ARHGAP15: variants seen among roughly 807,000 people sequenced by gnomAD.
ARHGAP15 encodes rho GTPase-activating protein 15.
A neutral mutation model predicts 63.7 loss-of-function variants in ARHGAP15; 51 were observed. That is an observed-to-expected ratio of 0.80 (90% confidence interval 0.64 to 1.01). The LOEUF is 1.01. ARHGAP15 is among the 50% of genes least tolerant of loss of function. The pLI is 0.00. For missense variants in ARHGAP15, 560 were observed against 564.6 expected (o/e 0.99, Z 0.08); for synonymous variants, 191 against 193.8 (o/e 0.99, Z 0.12).
At chr2:143,443,436 T>A (rs529647646) in intron 8 of ARHGAP15, among the ~76,000 whole-genome samples, 6 of 151,980 alleles carry the variant, frequency 3.9e-5, no homozygotes, top group Admixed American at 3.9e-4. Flanking sequence ...TCACCCTTTT[T>A]TTTTTTTCCC....
At chr2:143,559,935 A>G (rs1695955458) in intron 11 of ARHGAP15, among the ~76,000 whole-genome samples, 1 of 152,350 alleles carries the variant, frequency 6.6e-6, no homozygotes, top group Middle Eastern at 3.4e-3. Flanking sequence ...CACCTTGCAC[A>G]TGTTTATTTT....
rs558701834 is a variant in ARHGAP15 at position 143,429,084 on chromosome 2, G to A, written c.475-6517G>A. Among the ~76,000 whole-genome samples the A allele has an allele frequency of 1.4e-4, 22 of 152,142 alleles. No individual in the cohort carries two copies. The South Asian group carries it at 3.7e-3, about 26-fold the overall frequency. On this transcript the variant is annotated intron_variant, in intron 6 of 13. Transcript: ENST00000295095. ...TATGAGCACCACAGGCAAAAGTTTTGGTGTGGCTGCTGCAAAACTGTGGAA... is the reference window on the plus strand; with the variant it reads ...TATGAGCACCACAGGCAAAAGTTTTAGTGTGGCTGCTGCAAAACTGTGGAA...
chr2:143,640,073 G>T (rs541905808), intron 12 of ARHGAP15, among the ~76,000 whole-genome samples: 2 of 152,212 alleles, frequency 1.3e-5, no homozygotes, highest in African/African-American at 2.4e-5. Flanking sequence ...GGTATAAATT[G>T]TCTCTTGTCT....
chr2:143,734,169 A>T (rs918806799), intron 13 of ARHGAP15, among the ~76,000 whole-genome samples: 2 of 152,126 alleles, frequency 1.3e-5, no homozygotes, highest in Non-Finnish European at 2.9e-5. Context: ...TTCTCATCAG[A>T]GATAGCCAGG....
intron 9 of ARHGAP15, among the ~76,000 whole-genome samples, chr2:143,507,683 T>C (rs1250171103): frequency 6.6e-6 from 1 of 152,192 alleles, no homozygotes. Context: ...TTCATGTCTT[T>C]TGGGGTGCTT....
intron 6 of ARHGAP15, among the ~76,000 whole-genome samples, chr2:143,337,016 G>A (rs1270889645): frequency 6.6e-6 from 1 of 152,052 alleles, no homozygotes; most frequent in African/African-American, 2.4e-5. Flanking sequence ...GTTTCAGGAG[G>A]TGGAAGGGGG....
At chr2:143,147,298 C>T (rs1280820310) in intron 1 of ARHGAP15, among the ~76,000 whole-genome samples, 1 of 151,998 alleles carries the variant, frequency 6.6e-6, no homozygotes, top group Non-Finnish European at 1.5e-5. Flanking sequence ...CTTTAAGTGA[C>T]ATTTCATCAT....
chr2:143,740,922 G>GA (rs1195843449), intron 13 of ARHGAP15, among the ~76,000 whole-genome samples: 18 of 149,180 alleles, frequency 1.2e-4, no homozygotes, highest in African/African-American at 3.5e-4. Context: ...GTGGTTAATT[G>GA]AAAAAAAAAG....
intron 11 of ARHGAP15, among the ~76,000 whole-genome samples, chr2:143,594,007 T>C (rs1483024877): frequency 6.6e-6 from 1 of 152,192 alleles, no homozygotes; most frequent in African/African-American, 2.4e-5. Context: ...CAGAAATGTG[T>C]GATGTTTAAA....
intron 13 of ARHGAP15, among the ~76,000 whole-genome samples, chr2:143,732,035 A>G (rs1427646552): frequency 1.3e-5 from 2 of 152,230 alleles, no homozygotes; most frequent in Non-Finnish European, 2.9e-5. Flanking sequence ...TTACTTGCAC[A>G]TAAAAATCAC....
chr2:143,492,644 C>A (rs1023687288), intron 9 of ARHGAP15, among the ~76,000 whole-genome samples: 10 of 152,254 alleles, frequency 6.6e-5, no homozygotes, highest in African/African-American at 2.2e-4. Flanking sequence ...TGTCTACAGT[C>A]CCAGCTACAC....
At chr2:143,471,644 T>C (rs1691583593) in intron 8 of ARHGAP15, among the ~76,000 whole-genome samples, 1 of 151,982 alleles carries the variant, frequency 6.6e-6, no homozygotes, top group African/African-American at 2.4e-5. Flanking sequence ...AAGTGAGGTA[T>C]GTTACCATGT....
At chr2:143,660,186 T>G (rs1190560418) in intron 12 of ARHGAP15, among the ~76,000 whole-genome samples, 1 of 152,222 alleles carries the variant, frequency 6.6e-6, no homozygotes, top group African/African-American at 2.4e-5. Context: ...AACCTATTAC[T>G]TAAAGTGTAC....
intron 13 of ARHGAP15, among the ~76,000 whole-genome samples, chr2:143,709,526 GTTCATAGAA>G (rs1684482799): frequency 6.6e-6 from 1 of 152,088 alleles, no homozygotes; most frequent in South Asian, 2.1e-4. Context: ...TTGTCCAGCT[GTTCATAGAA>G]TTCCAAGGTG....
intron 6 of ARHGAP15, among the ~76,000 whole-genome samples, chr2:143,256,413 G>T (rs1680431093): frequency 6.6e-6 from 1 of 152,062 alleles, no homozygotes; most frequent in Admixed American, 6.6e-5. Context: ...GTGTGACTAA[G>T]AATATAGATC....
intron 8 of ARHGAP15, among the ~76,000 whole-genome samples, chr2:143,448,831 T>C (rs1168633294): frequency 6.6e-6 from 1 of 151,964 alleles, no homozygotes; most frequent in African/African-American, 2.4e-5. Flanking sequence ...TTTTAACAGG[T>C]GATTCCCATG....
At chr2:143,230,089 C>T (rs1366877449) in intron 5 of ARHGAP15, among the ~76,000 whole-genome samples, 3 of 152,020 alleles carry the variant, frequency 2.0e-5, no homozygotes, top group Non-Finnish European at 4.4e-5. Context: ...AAACAACTAC[C>T]ATCCACTTGC....
intron 13 of ARHGAP15, among the ~76,000 whole-genome samples, chr2:143,762,775 G>A (rs1217001355): frequency 6.6e-6 from 1 of 152,100 alleles, no homozygotes; most frequent in Non-Finnish European, 1.5e-5. Flanking sequence ...AGAAGAAAAA[G>A]TGGCACTCAA....
intron 12 of ARHGAP15, among the ~76,000 whole-genome samples, chr2:143,673,339 C>T (rs1273417424): frequency 1.3e-5 from 2 of 152,078 alleles, no homozygotes; most frequent in Admixed American, 1.3e-4. Flanking sequence ...ACTCTGTCAC[C>T]CAGGCTAGAG....
Sources: gnomAD v4.1 joint callset for allele counts (sites outside exome capture counted in the v4.1 genomes callset) on GRCh38, gnomAD v4.1.1 for gene constraint, MANE v1.5 for transcripts, NCBI Gene and HGNC (gene_info 2026-07-23, HGNC 2026-07-21) for gene names.